SLC8B1: variants seen among roughly 807,000 people sequenced by gnomAD.
SLC8B1 encodes the protein solute carrier family 8 member B1.
Under a neutral mutation model 63.4 loss-of-function variants are expected in SLC8B1, and 52 were observed. The ratio of observed to expected loss-of-function variants is 0.82; its 90% CI spans 0.66 to 1.03. The LOEUF is 1.03. SLC8B1 is among the 50% of genes least tolerant of loss of function. The probability of loss-of-function intolerance (pLI) is 0.00; values close to 1 mark genes in which losing one functional copy is unlikely to be tolerated. For synonymous variants in SLC8B1, 336 were observed against 323.9 expected (o/e 1.04, Z -0.40); for missense variants, 657 against 741.7 (o/e 0.89, Z 1.33).
intron 15 of SLC8B1, among the ~76,000 whole-genome samples, chr12:113,301,692 A>C (rs1026251719): frequency 6.6e-6 from 1 of 152,170 alleles, no homozygotes; most frequent in Non-Finnish European, 1.5e-5. Flanking sequence ...TGCCTGCTCT[A>C]TGCCAGGCAT....
chr12:113,334,611 T>G lies in SLC8B1; in HGVS notation c.-251A>C, dbSNP rs117024216. 6.6e-6 allele frequency: 1 copy of G among 152,260 alleles called. No homozygotes were observed. The highest frequency in any genetic ancestry group is 1.5e-5 in the Non-Finnish European group (1 of 68,052). 9.4% of individuals were successfully genotyped at this position (152,260 alleles called of 1,614,324 possible). A position where few individuals can be genotyped will look rare whatever the true frequency, so the allele number is the denominator to read the frequency against. On this transcript the variant is annotated 5_prime_UTR_variant, in exon 1 of 16. Coordinates refer to ENST00000680972, the MANE Select transcript of SLC8B1 (RefSeq NM_001358345.2). Reference sequence around the variant, plus strand: ...CCTTAAGGAAGTCACTTCACCTCTCTGGGCCTCTTATTCCTCATGTGTGAA... The same window carrying G: ...CCTTAAGGAAGTCACTTCACCTCTCGGGGCCTCTTATTCCTCATGTGTGAA...
At chr12:113,326,253 T>C (rs1374837488) in intron 2 of SLC8B1, among the ~76,000 whole-genome samples, 1 of 152,284 alleles carries the variant, frequency 6.6e-6, no homozygotes, top group Non-Finnish European at 1.5e-5. Context: ...AATCTGTGGC[T>C]ACTCAGGCAC....
At chr12:113,321,780 T>TTATATA (rs10641990) in intron 2 of SLC8B1, among the ~76,000 whole-genome samples, 47 of 145,718 alleles carry the variant, frequency 3.2e-4, no homozygotes, top group Admixed American at 9.6e-4. Context: ...GCTTTTACCA[T>TTATATA]TATATATATA....
chr12:113,311,027 T>C (rs1956752409), intron 11 of SLC8B1, among the ~76,000 whole-genome samples: 1 of 152,188 alleles, frequency 6.6e-6, no homozygotes, highest in Admixed American at 6.5e-5. Flanking sequence ...AAGAATTATG[T>C]GAGGAGGCCG....
At chr12:113,309,816 AC>A (rs1421978964) in intron 12 of SLC8B1, among the ~76,000 whole-genome samples, 1 of 151,680 alleles carries the variant, frequency 6.6e-6, no homozygotes, top group Non-Finnish European at 1.5e-5. Flanking sequence ...TGATAGGCAA[AC>A]CCATAGAGAC....
chr12:113,332,011 G>C (rs551426069), intron 2 of SLC8B1, among the ~76,000 whole-genome samples: 2 of 151,932 alleles, frequency 1.3e-5, no homozygotes, highest in African/African-American at 4.8e-5. Flanking sequence ...CTGCTGTTAC[G>C]GGAACACACT....
At chr12:113,327,143 C>T (rs1334646363) in intron 2 of SLC8B1, among the ~76,000 whole-genome samples, 1 of 152,026 alleles carries the variant, frequency 6.6e-6, no homozygotes, top group Non-Finnish European at 1.5e-5. Context: ...GGGTTTCTGA[C>T]AAAGAGGGTC....
chr12:113,332,864 C>T lies in SLC8B1; in HGVS notation c.15G>A (p.Arg5=), dbSNP rs1957075288. ...CACTCAGTGCCCAGCGCAGATTCAGCCTTCTGCCGGCCATCTGCCCCCACG... is the reference window on the plus strand; with the variant it reads ...CACTCAGTGCCCAGCGCAGATTCAGTCTTCTGCCGGCCATCTGCCCCCACG... MAGR[R]LNLRWALSVL... is the part of the protein sequence containing the mutation. Residue 5 remains arginine, a synonymous_variant, in exon 2 of 16, where the codon AGG becomes AGA. Coordinates refer to ENST00000680972, the MANE Select transcript of SLC8B1 (RefSeq NM_001358345.2). The T allele has an allele frequency of 4.3e-6, 7 of 1,614,036 alleles. No individual in the cohort carries two copies. The highest frequency in any genetic ancestry group is 5.9e-6 in the Non-Finnish European group (7 of 1,180,008).
chr12:113,319,263 C>T, intron 7 of SLC8B1, 192 bp from the exon 8 acceptor site: 2 of 557,906 alleles, frequency 3.6e-6, no homozygotes, highest in Non-Finnish European at 3.3e-6. Flanking sequence ...ATCTCCCTTC[C>T]TGTCTCCCTT....
At chr12:113,317,742 A>G (rs1382669727) in intron 8 of SLC8B1, among the ~76,000 whole-genome samples, 1 of 112,856 alleles carries the variant, frequency 8.9e-6, no homozygotes, top group Non-Finnish European at 1.9e-5. Flanking sequence ...ATGTATGTGC[A>G]TGTATTTGTT....
intron 2 of SLC8B1, among the ~76,000 whole-genome samples, chr12:113,327,442 T>C (rs1957008951): frequency 6.6e-6 from 1 of 152,160 alleles, no homozygotes; most frequent in Admixed American, 6.6e-5. Context: ...CCAGGCATTG[T>C]GGCTCACATC....
At chr12:113,306,464 G>C (rs1384139226) in intron 14 of SLC8B1, 31 bp downstream of exon 14, 2 of 1,573,944 alleles carry the variant, frequency 1.3e-6, no homozygotes, top group African/African-American at 1.3e-5. Context: ...TGACACCAGT[G>C]CTAAGGCCAA....
At position 113,320,383 on chromosome 12, in the gene SLC8B1, G is replaced by A. The variant is rs771166447; in HGVS notation, c.642C>T (p.Phe214=). ...CACGGAAGAGCATGAGGAAGGTCAG[G>A]AACACAGCCACCATGTAGAAAACGA... is the stretch of plus-strand genomic sequence containing the variant. The part of the protein sequence containing the change: ...RDIVFYMVAV[F]LTFLMLFRGR... The change falls in exon 7 of 16, where the codon TTC becomes TTT. Residue 214 remains phenylalanine, a synonymous_variant. Coordinates refer to ENST00000680972, the MANE Select transcript of SLC8B1 (RefSeq NM_001358345.2). This position sits in a 1 kb window ranked among gnomAD's most constrained non-coding sequence, Gnocchi z 5.3. 2 of 1,614,152 alleles carry A rather than the reference G, an allele frequency of 1.2e-6. No individual in the cohort carries two copies. The highest frequency in any genetic ancestry group is 1.7e-6 in the Non-Finnish European group (2 of 1,180,030).
At chr12:113,325,176 C>A (rs1434984701) in intron 2 of SLC8B1, among the ~76,000 whole-genome samples, 3 of 151,856 alleles carry the variant, frequency 2.0e-5, no homozygotes. Flanking sequence ...GTAGTTATTA[C>A]CCCTATCTCC....
At chr12:113,332,686 G>A (rs755394984) in intron 2 of SLC8B1, 37 bp downstream of exon 2, 3 of 1,596,328 alleles carry the variant, frequency 1.9e-6, no homozygotes, top group Non-Finnish European at 2.6e-6. Flanking sequence ...GAGGAACACA[G>A]CCCCACTCAA....
intron 13 of SLC8B1, 171 bp from the exon 14 acceptor site, chr12:113,306,746 G>A (rs1049957659): frequency 6.9e-5 from 41 of 592,874 alleles, no homozygotes; most frequent in South Asian, 5.4e-4. Context: ...CAGCATCTGG[G>A]AAGACACACT....
intron 14 of SLC8B1, among the ~76,000 whole-genome samples, chr12:113,306,189 C>T (rs1402655071): frequency 1.3e-5 from 2 of 150,408 alleles, no homozygotes; most frequent in Admixed American, 6.7e-5. Flanking sequence ...CCATAGGACA[C>T]ATAAGCTCAT....
At chr12:113,313,873 G>A (rs1162445121) in intron 11 of SLC8B1, among the ~76,000 whole-genome samples, 1 of 152,148 alleles carries the variant, frequency 6.6e-6, no homozygotes, top group Non-Finnish European at 1.5e-5. Flanking sequence ...AGCCAAGCAT[G>A]GTGGCAGGTG....
At chr12:113,318,493 TTG>T (rs761962718) in intron 8 of SLC8B1, among the ~76,000 whole-genome samples, 79 of 152,036 alleles carry the variant, frequency 5.2e-4, no homozygotes, top group African/African-American at 1.4e-3. Flanking sequence ...CATGTGTGAG[TTG>T]TGTGTGTGCA....
Sources: allele counts gnomAD v4.1 joint callset (sites outside exome capture counted in the v4.1 genomes callset), GRCh38; gene constraint gnomAD v4.1.1; non-coding constraint Gnocchi (gnomAD v3.1); transcripts MANE v1.5; gene names NCBI Gene and HGNC (gene_info 2026-07-23, HGNC 2026-07-21).